The following CPEB2 variants were observed in gnomAD, a reference collection of about 807,000 sequenced individuals.
CPEB2 encodes the protein cytoplasmic polyadenylation element-binding protein 2.
CPEB2 carries 56 observed loss-of-function variants against 93.6 expected under a neutral mutation model. That is an observed-to-expected ratio of 0.60 (90% CI 0.48 to 0.75). CPEB2 has a LOEUF of 0.75. Ranked by LOEUF, CPEB2 falls within the 30% of genes least tolerant of loss-of-function variation. The pLI is 0.00. For missense variants in CPEB2, 1,579 were observed against 1,395.1 expected, an observed-to-expected ratio of 1.13 and a Z score of -2.10; for synonymous variants, 764 against 586.3, an observed-to-expected ratio of 1.30 and a Z score of -4.38.
Position 15,059,174 on chromosome 4 carries a change from AT to A in CPEB2, c.2581-9del. ...CATCAAGGGAGTAAGACCCAATGTA[AT>A]TTTCTTCATAGGTTCAAATACGTCC... On this transcript the variant is annotated splice_polypyrimidine_tract_variant and intron_variant, in intron 9 of 11. Transcript: ENST00000538197. 1.3e-6 allele frequency: 2 copies of A among 1,536,568 alleles called. No homozygotes were observed. Among genetic ancestry groups the A allele is most frequent in the Non-Finnish European group, 1.8e-6 (2 of 1,113,462 alleles).
intron 6 of CPEB2, among the ~76,000 whole-genome samples, chr4:15,046,120 G>A (rs556711304): frequency 6.6e-6 from 1 of 152,270 alleles, no homozygotes; most frequent in South Asian, 2.1e-4. Flanking sequence ...GGATGTATAA[G>A]TAAAAGTGGA....
intron 3 of CPEB2, among the ~76,000 whole-genome samples, chr4:15,009,238 T>G (rs1012111361): frequency 9.9e-5 from 15 of 152,242 alleles, no homozygotes; most frequent in African/African-American, 3.6e-4. Flanking sequence ...TCTAAGTCTC[T>G]TCCTTGGTTA....
intron 4 of CPEB2, among the ~76,000 whole-genome samples, chr4:15,019,131 C>A (rs879800549): frequency 1.1e-4 from 16 of 150,964 alleles, no homozygotes; most frequent in Non-Finnish European, 2.2e-4. Flanking sequence ...TTCATATTTA[C>A]ACAAAACGTG....
chr4:15,054,207 T>C lies in CPEB2; in HGVS notation c.2451T>C (p.Phe817=), dbSNP rs751897927. The change falls in exon 8 of 12, where the codon TTT becomes TTC. Residue 817 remains phenylalanine, a synonymous_variant. Coordinates refer to ENST00000538197, the MANE Select transcript of CPEB2 (RefSeq NM_001177382.2). ...ATAAAGCAGAAAGCAAGTCCTATTT[T>C]CCACCAAAAGGTAAGGATTGTTATT... is the stretch of plus-strand genomic sequence containing the variant. ...WPHKAESKSY[F]PPKGYAFLLF... is the part of the protein sequence containing the mutation. 9 of 1,608,532 alleles carry C rather than the reference T, an allele frequency of 5.6e-6. No homozygotes were observed. The East Asian group carries it at 2.0e-4, about 36-fold the overall frequency.
At chr4:15,004,372 G>T (rs1226598433) in intron 1 of CPEB2, 37 bp downstream of exon 1, 2 of 1,371,702 alleles carry the variant, frequency 1.5e-6, no homozygotes, top group Admixed American at 3.5e-5. Flanking sequence ...CCGCGGGACC[G>T]GGAGACCATG....
chr4:15,015,764 G>T (rs1454761953), intron 3 of CPEB2, among the ~76,000 whole-genome samples: 1 of 151,924 alleles, frequency 6.6e-6, no homozygotes, highest in Non-Finnish European at 1.5e-5. Flanking sequence ...ACAATCAGTG[G>T]ATGGCTGAAA....
chr4:15,003,563 C>T lies in CPEB2; in HGVS notation c.890C>T (p.Pro297Leu). 2.0e-6 allele frequency: 3 copies of T among 1,467,554 alleles called. No individual in the cohort carries two copies. The highest frequency in any genetic ancestry group is 2.7e-6 in the Non-Finnish European group (3 of 1,113,418). 90.9% of individuals were successfully genotyped at this position (1,467,554 alleles called of 1,614,324 possible). The change falls in exon 1 of 12, where the codon CCC becomes CTC. Residue 297 changes from proline (P) to leucine (L), a missense_variant. Around this residue, in one of 2 missense-constraint regions of CPEB2, gnomAD observed 1,411 missense variants for 1,056.0 expected, o/e 1.34. Transcript: ENST00000538197. ...GGCGAGGGCAGCGCCGCCGAGTCCC[C>T]CAATGCGGGCTTGGCCTCCTCGACG... ...AAGEGSAAESPNAGLASSTPV... is the reference protein window; with the variant it reads ...AAGEGSAAESLNAGLASSTPV...
In CPEB2 at chr4:15,003,189, G is replaced by T. The variant is rs1400605873; in HGVS notation, c.516G>T (p.Gln172His). The change falls in exon 1 of 12, where the codon CAG (glutamine) becomes CAT (histidine). Residue 172 changes from glutamine (Q) to histidine (H), a missense_variant. Coordinates refer to ENST00000538197, the MANE Select transcript of CPEB2 (RefSeq NM_001177382.2). ...SPQDFSKRQQ[Q>H]QLSSQKRKEF... ...AGGACTTCAGTAAGCGGCAGCAGCA[G>T]CAGCTGAGCAGCCAGAAGAGGAAAG... 6.5e-7 allele frequency: 1 copy of T among 1,534,218 alleles called. No homozygotes were observed. Among genetic ancestry groups the T allele is most frequent in the Admixed American group, 2.0e-5 (1 of 50,896 alleles).
chr4:15,022,273 T>A (rs1380271476), intron 4 of CPEB2, among the ~76,000 whole-genome samples: 1 of 152,106 alleles, frequency 6.6e-6, no homozygotes, highest in Non-Finnish European at 1.5e-5. Flanking sequence ...TAAAATAAAG[T>A]ACAAAATAAA....
In CPEB2 at chr4:15,018,615, G is replaced by A. The variant is rs1336896161; in HGVS notation, c.2125+1337G>A. On this transcript the variant is annotated intron_variant, in intron 4 of 11. Coordinates refer to ENST00000538197, the MANE Select transcript of CPEB2 (RefSeq NM_001177382.2). ...CTTAGATCCACCATTTAGAATAGAAGCCAGCAGCTTATGATTAAGAAGTTT... is the reference window on the plus strand; with the variant it reads ...CTTAGATCCACCATTTAGAATAGAAACCAGCAGCTTATGATTAAGAAGTTT... Among the ~76,000 whole-genome samples, 6 of 151,280 alleles carry A rather than the reference G, an allele frequency of 4.0e-5. No homozygotes were observed. In the East Asian group the frequency reaches 1.2e-3, roughly 29 times the overall value.
chr4:15,007,028 T>C (rs1353717806), intron 1 of CPEB2, among the ~76,000 whole-genome samples: 2 of 152,204 alleles, frequency 1.3e-5, no homozygotes, highest in Non-Finnish European at 2.9e-5. Flanking sequence ...TATACAGTTA[T>C]CTCTGAAGGA....
rs764315327 is a variant in CPEB2, at chr4:15,007,494, A to C, written c.1852A>C (p.Thr618Pro). ...TAATGTCATAGCACCACCGAAATTT[A>C]CTCGCTCAACTCCATCACTGACTCC... Reference protein sequence around the residue: ...SGNVIAPPKFTRSTPSLTPKS... With the variant: ...SGNVIAPPKFPRSTPSLTPKS... The change falls in exon 2 of 12, where the codon ACT (threonine) becomes CCT (proline). Residue 618 changes from threonine (T) to proline (P), a missense_variant. Thr to Pro is a conservative substitution (Grantham distance 38). Around this residue, in one of 2 missense-constraint regions of CPEB2, gnomAD observed 1,411 missense variants for 1,056.0 expected, o/e 1.34. Transcript: ENST00000538197. The C allele has an allele frequency of 5.7e-5, 92 of 1,613,968 alleles. No homozygotes were observed. The highest frequency in any genetic ancestry group is 7.0e-5 in the Non-Finnish European group (83 of 1,179,978).
At chr4:15,021,803 A>G (rs758938480) in intron 4 of CPEB2, among the ~76,000 whole-genome samples, 4 of 152,114 alleles carry the variant, frequency 2.6e-5, no homozygotes, top group African/African-American at 4.8e-5. Flanking sequence ...TTGTATATCT[A>G]GTGTCATTTT....
chr4:15,063,134 C>G (rs994240946), intron 11 of CPEB2, among the ~76,000 whole-genome samples: 4 of 151,772 alleles, frequency 2.6e-5, no homozygotes, highest in African/African-American at 4.8e-5. Context: ...CTCCTTTTCC[C>G]CAATATAACA....
chr4:15,037,976 A>G (rs950663077), intron 5 of CPEB2, among the ~76,000 whole-genome samples: 8 of 152,354 alleles, frequency 5.3e-5, no homozygotes, highest in Admixed American at 3.9e-4. Context: ...TATTGGTAGG[A>G]AAGTGAATAC....
chr4:15,063,583 A>G (rs1729409990), intron 11 of CPEB2, among the ~76,000 whole-genome samples: 1 of 152,122 alleles, frequency 6.6e-6, no homozygotes, highest in South Asian at 2.1e-4. Context: ...AGTGACACAA[A>G]TGTACAGCAG....
intron 10 of CPEB2, among the ~76,000 whole-genome samples, chr4:15,059,759 A>T (rs1425910560): frequency 6.6e-6 from 1 of 152,176 alleles, no homozygotes; most frequent in Non-Finnish European, 1.5e-5. Flanking sequence ...ACTAGGAACC[A>T]AAAACCTACC....
rs756160096 is a variant in CPEB2 at position 15,004,075 on chromosome 4, G to A, written c.1402G>A (p.Val468Met). The A allele has an allele frequency of 6.4e-6, 10 of 1,565,546 alleles. No individual in the cohort carries two copies. Among genetic ancestry groups the A allele is most frequent in the South Asian group, 4.6e-5 (4 of 86,524 alleles). Reference sequence around the variant, plus strand: ...GGCCTTCTTCCCTAGCTTCTCGCCCGTGTCGCCGCACGGCTGCACTGGGCT... The same window carrying A: ...GGCCTTCTTCCCTAGCTTCTCGCCCATGTCGCCGCACGGCTGCACTGGGCT... Reference protein sequence around the residue: ...NPAFFPSFSPVSPHGCTGLSV... With the variant: ...NPAFFPSFSPMSPHGCTGLSV... The change falls in exon 1 of 12, where the codon GTG (valine) becomes ATG (methionine). Residue 468 changes from valine to methionine, a missense_variant. This residue lies in a region of CPEB2 where 1,411 missense variants were observed against 1,056.0 expected (regional missense o/e 1.34). Coordinates refer to ENST00000538197, the MANE Select transcript of CPEB2 (RefSeq NM_001177382.2).
chr4:15,059,199 C>G lies in CPEB2; in HGVS notation c.2593C>G (p.Pro865Ala). ...ATTTTCTTCATAGGTTCAAATACGT[C>G]CTTGGAATTTAAGTGATAGTGATTT... The part of the protein sequence containing the change: ...TIKDKPVQIR[P>A]WNLSDSDFVM... The change falls in exon 10 of 12, where the codon CCT becomes GCT. Residue 865 changes from proline (P) to alanine (A), a missense_variant. Around this residue, in one of 2 missense-constraint regions of CPEB2, gnomAD observed 168 missense variants for 339.1 expected, o/e 0.50. Transcript: ENST00000538197. The G allele has an allele frequency of 6.2e-7, 1 of 1,605,318 alleles. No homozygotes were observed. The highest frequency in any genetic ancestry group is 8.5e-7 in the Non-Finnish European group (1 of 1,173,838).
Sources: gnomAD v4.1 joint callset for allele counts (sites outside exome capture counted in the v4.1 genomes callset) on GRCh38, gnomAD v4.1.1 for gene constraint, gnomAD v4.1.1 regional missense constraint, MANE v1.5 for transcripts, NCBI Gene and HGNC (gene_info 2026-07-23, HGNC 2026-07-21) for gene names.